Variants in PCDH15 observed in about 807,000 individuals in gnomAD.
PCDH15 encodes the protein protocadherin-15.
In PCDH15, 129 loss-of-function variants were observed where a neutral mutation model predicts 178.5. The ratio of observed to expected loss-of-function variants is 0.72; its 90% CI spans 0.63 to 0.84. The LOEUF (loss-of-function observed/expected upper bound fraction) is 0.84. Ranked by LOEUF, PCDH15 falls within the 40% of genes least tolerant of loss-of-function variation. PCDH15 has a pLI of 0.00. For synonymous variants in PCDH15, 800 were observed against 732.0 expected (o/e 1.09, Z -1.50); for missense variants, 2,230 against 2,099.9 (o/e 1.06, Z -1.21).
chr10:54,081,636 C>T (rs879923660), intron 16 of PCDH15, among the ~76,000 whole-genome samples: 4 of 151,906 alleles, frequency 2.6e-5, no homozygotes, highest in Admixed American at 6.6e-5. Flanking sequence ...TTATTAAATC[C>T]GAGAAATAGC....
intron 8 of PCDH15, among the ~76,000 whole-genome samples, chr10:54,261,981 T>C (rs938254015): frequency 3.3e-5 from 5 of 152,100 alleles, no homozygotes; most frequent in African/African-American, 1.2e-4. Flanking sequence ...TCAGAGTCAC[T>C]AGACACCAGG....
intron 2 of PCDH15, among the ~76,000 whole-genome samples, chr10:54,595,111 C>T (rs956965704): frequency 2.0e-5 from 3 of 152,194 alleles, no homozygotes; most frequent in Non-Finnish European, 2.9e-5. Flanking sequence ...CTGTCATCTT[C>T]CATGTGGATG....
intron 26 of PCDH15, among the ~76,000 whole-genome samples, chr10:53,893,254 T>C (rs1297332384): frequency 6.6e-6 from 1 of 152,180 alleles, no homozygotes; most frequent in East Asian, 1.9e-4. Context: ...ATGGATAACA[T>C]TCATAAAGCT....
chr10:55,119,528 TGC>T (rs1436364968), intron 2 of PCDH15, among the ~76,000 whole-genome samples: 1 of 131,874 alleles, frequency 7.6e-6, no homozygotes, highest in African/African-American at 4.3e-5. Context: ...CCTAATTAAT[TGC>T]ACCTGGAAAA....
chr10:55,079,463 G>A (rs1001046699), intron 2 of PCDH15, among the ~76,000 whole-genome samples: 9 of 152,170 alleles, frequency 5.9e-5, no homozygotes, highest in African/African-American at 2.2e-4. Flanking sequence ...ATTGCAGGTA[G>A]TCCAGTCTTT....
chr10:55,183,015 C>T (rs188419903), intron 1 of PCDH15, among the ~76,000 whole-genome samples: 84 of 152,062 alleles, frequency 5.5e-4, no homozygotes, highest in Non-Finnish European at 9.4e-4. Flanking sequence ...ATATGGACTC[C>T]TTCCTTATGG....
chr10:53,959,310 A>G (rs2088019083), intron 23 of PCDH15, among the ~76,000 whole-genome samples: 1 of 151,014 alleles, frequency 6.6e-6, no homozygotes, highest in Admixed American at 6.6e-5. Flanking sequence ...ACACACACAA[A>G]CGTACACACA....
intron 2 of PCDH15, among the ~76,000 whole-genome samples, chr10:55,460,626 A>T (rs983524777): frequency 6.6e-6 from 1 of 152,056 alleles, no homozygotes; most frequent in African/African-American, 2.4e-5. Flanking sequence ...TAGTTGTTGC[A>T]ATAATTATTT....
At chr10:55,371,925 A>C (rs937908530) in intron 2 of PCDH15, among the ~76,000 whole-genome samples, 2 of 152,176 alleles carry the variant, frequency 1.3e-5, no homozygotes, top group African/African-American at 2.4e-5. Flanking sequence ...AAGTAAATTC[A>C]TGTTTACATT....
chr10:55,024,713 C>T (rs902081672), intron 2 of PCDH15, among the ~76,000 whole-genome samples: 1 of 152,076 alleles, frequency 6.6e-6, no homozygotes, highest in Non-Finnish European at 1.5e-5. Flanking sequence ...TCCTTATATT[C>T]TTGAAAGCTC....
At chr10:54,513,574 A>C (rs2081923646) in intron 3 of PCDH15, among the ~76,000 whole-genome samples, 2 of 152,206 alleles carry the variant, frequency 1.3e-5, no homozygotes, top group Non-Finnish European at 2.9e-5. Context: ...AGACATGACA[A>C]TGCAAGCAAA....
intron 18 of PCDH15, among the ~76,000 whole-genome samples, chr10:54,025,741 C>T (rs1353634734): frequency 6.6e-6 from 1 of 152,136 alleles, no homozygotes; most frequent in African/African-American, 2.4e-5. Context: ...TTGTGATCCA[C>T]CCGCCTCGGC....
intron 2 of PCDH15, among the ~76,000 whole-genome samples, chr10:54,626,052 C>T (rs562721530): frequency 6.6e-6 from 1 of 152,186 alleles, no homozygotes; most frequent in East Asian, 1.9e-4. Flanking sequence ...TTTGCCCCTG[C>T]CTTAGAGATT....
chr10:55,083,158 A>C (rs537723276), intron 2 of PCDH15, among the ~76,000 whole-genome samples: 87 of 152,034 alleles, frequency 5.7e-4, no homozygotes, highest in Admixed American at 1.0e-3. Flanking sequence ...GCAAAAAAAA[A>C]CACTAGCAAA....
At chr10:54,553,320 G>C (rs998447376) in intron 2 of PCDH15, among the ~76,000 whole-genome samples, 2 of 152,154 alleles carry the variant, frequency 1.3e-5, no homozygotes, top group Non-Finnish European at 2.9e-5. Context: ...AGCCTTGAGA[G>C]ACTCTGCAAC....
At chr10:55,549,634 A>G (rs1841964517) in intron 2 of PCDH15, among the ~76,000 whole-genome samples, 1 of 152,082 alleles carries the variant, frequency 6.6e-6, no homozygotes, top group African/African-American at 2.4e-5. Context: ...TTGCCTTTCA[A>G]TTTAGGTTAT....
chr10:55,422,753 T>A (rs1007990116), intron 2 of PCDH15, among the ~76,000 whole-genome samples: 1 of 151,668 alleles, frequency 6.6e-6, no homozygotes, highest in Non-Finnish European at 1.5e-5. Context: ...AAGAAGGCAA[T>A]AAGGAATGAG....
intron 2 of PCDH15, among the ~76,000 whole-genome samples, chr10:54,656,261 G>T (rs2094404121): frequency 6.6e-6 from 1 of 152,080 alleles, no homozygotes; most frequent in Non-Finnish European, 1.5e-5. Context: ...CCCACAAGAA[G>T]AAGCTAGGGT....
intron 2 of PCDH15, among the ~76,000 whole-genome samples, chr10:55,127,859 G>A (rs549934354): frequency 1.3e-5 from 2 of 152,060 alleles, no homozygotes; most frequent in South Asian, 4.1e-4. Flanking sequence ...TTTCCACACT[G>A]AGAATCTGTG....
Sources: gnomAD v4.1 joint callset for allele counts (sites outside exome capture counted in the v4.1 genomes callset) on GRCh38, gnomAD v4.1.1 for gene constraint, MANE v1.5 for transcripts, NCBI Gene and HGNC (gene_info 2026-07-23, HGNC 2026-07-21) for gene names.